Variants in PRIMA1 observed in about 807,000 individuals in gnomAD.
PRIMA1 encodes proline-rich membrane anchor 1.
Under a neutral mutation model 17.5 loss-of-function variants are expected in PRIMA1, and 7 were observed. That is an observed-to-expected ratio of 0.40 (90% confidence interval 0.23 to 0.75). The LOEUF (loss-of-function observed/expected upper bound fraction) is 0.75. Among genes scored for constraint, PRIMA1 ranks in the 30% least tolerant of loss-of-function variants. PRIMA1 has a pLI of 0.37. For synonymous variants in PRIMA1, 97 were observed against 77.9 expected (o/e 1.25, Z -1.29); for missense variants, 200 against 201.8 (o/e 0.99, Z 0.05).
intron 3 of PRIMA1, among the ~76,000 whole-genome samples, chr14:93,753,755 T>A (rs962204350): frequency 6.6e-6 from 1 of 152,118 alleles, no homozygotes; most frequent in Admixed American, 6.5e-5. Flanking sequence ...AGGACTCCTT[T>A]GATAATGGAA....
intron 3 of PRIMA1, among the ~76,000 whole-genome samples, chr14:93,751,607 A>G (rs2076259963): frequency 6.6e-6 from 1 of 152,132 alleles, no homozygotes; most frequent in Admixed American, 6.5e-5. Context: ...TCCCAGGACC[A>G]CCCTTTGCTA....
intron 3 of PRIMA1, among the ~76,000 whole-genome samples, chr14:93,745,650 C>T (rs560637381): frequency 5.3e-5 from 8 of 152,316 alleles, no homozygotes; most frequent in African/African-American, 1.9e-4. Context: ...TGTGGCTGCT[C>T]CCTTCAACCC....
intron 3 of PRIMA1, among the ~76,000 whole-genome samples, chr14:93,775,606 C>G (rs1885194240): frequency 6.6e-6 from 1 of 152,212 alleles, no homozygotes; most frequent in Non-Finnish European, 1.5e-5. Flanking sequence ...TTATGATTGG[C>G]AGAAGTTGTG....
intron 1 of PRIMA1, among the ~76,000 whole-genome samples, chr14:93,788,029 A>G (rs961953495): frequency 1.8e-4 from 27 of 151,952 alleles, no homozygotes; most frequent in African/African-American, 6.5e-4. Context: ...CCCCATGGAC[A>G]CCTCCAGAAA....
chr14:93,724,310 A>G (rs1470928645), intron 4 of PRIMA1, among the ~76,000 whole-genome samples: 2 of 152,130 alleles, frequency 1.3e-5, no homozygotes, highest in Non-Finnish European at 2.9e-5. Flanking sequence ...CATATCCCAC[A>G]CGTGAATCTG....
intron 4 of PRIMA1, among the ~76,000 whole-genome samples, chr14:93,736,661 T>G (rs575028238): frequency 1.3e-5 from 2 of 152,272 alleles, no homozygotes; most frequent in Non-Finnish European, 2.9e-5. Flanking sequence ...CCTGTGTGCC[T>G]GACTTGTTTT....
intron 4 of PRIMA1, among the ~76,000 whole-genome samples, chr14:93,725,487 C>A (rs149469073): frequency 6.6e-6 from 1 of 152,122 alleles, no homozygotes; most frequent in Non-Finnish European, 1.5e-5. Flanking sequence ...CCATCAAGCA[C>A]GGCACTTCAG....
intron 3 of PRIMA1, among the ~76,000 whole-genome samples, chr14:93,758,034 AC>A (rs1566972004): frequency 1.3e-5 from 2 of 152,262 alleles, no homozygotes; most frequent in South Asian, 2.1e-4. Flanking sequence ...CTCCAGAGAT[AC>A]GGGGGGGTTC....
intron 3 of PRIMA1, among the ~76,000 whole-genome samples, chr14:93,760,601 A>T (rs937243934): frequency 6.6e-6 from 1 of 152,064 alleles, no homozygotes; most frequent in African/African-American, 2.4e-5. Flanking sequence ...CTGCTGGCTG[A>T]CAGCTTCTTA....
intron 3 of PRIMA1, among the ~76,000 whole-genome samples, chr14:93,774,185 C>T (rs1418959873): frequency 6.6e-6 from 1 of 152,214 alleles, no homozygotes; most frequent in Non-Finnish European, 1.5e-5. Flanking sequence ...CCACTCTTGC[C>T]TTTGCCAGAA....
chr14:93,734,277 C>G (rs1033456307), intron 4 of PRIMA1, among the ~76,000 whole-genome samples: 1 of 152,196 alleles, frequency 6.6e-6, no homozygotes, highest in Non-Finnish European at 1.5e-5. Flanking sequence ...CCTGTGCCCC[C>G]GGGAGGCCGA....
chr14:93,740,465 G>A (rs568985740), intron 3 of PRIMA1, among the ~76,000 whole-genome samples: 2 of 152,312 alleles, frequency 1.3e-5, no homozygotes, highest in East Asian at 3.9e-4. Flanking sequence ...AGGCTGTTCT[G>A]TCTACACTGC....
At position 93,763,224 on chromosome 14, in the gene PRIMA1, C is replaced by A. The variant is rs538523250; in HGVS notation, c.229+15952G>T. On this transcript the variant is annotated intron_variant, in intron 3 of 4. Transcript: ENST00000393140. ...TTGATCGAATAAAAGTCTGCCCCCC[C>A]AGCATTGCCCCTGCCTCCCGAGCCT... is the stretch of plus-strand genomic sequence containing the variant. Among the ~76,000 whole-genome samples the A allele has an allele frequency of 5.3e-5, 8 of 152,328 alleles. No individual in the cohort carries two copies. The East Asian group carries it at 5.8e-4, about 11-fold the overall frequency.
At chr14:93,747,654 G>A (rs998179343) in intron 3 of PRIMA1, among the ~76,000 whole-genome samples, 1 of 150,728 alleles carries the variant, frequency 6.6e-6, no homozygotes, top group Non-Finnish European at 1.5e-5. Flanking sequence ...TATTGTGTAT[G>A]AGTGTGTGAG....
At chr14:93,775,788 C>T (rs1238411544) in intron 3 of PRIMA1, among the ~76,000 whole-genome samples, 2 of 152,248 alleles carry the variant, frequency 1.3e-5, no homozygotes, top group East Asian at 3.8e-4. Flanking sequence ...CCCTCCTGGC[C>T]TGGTAGCCAT....
At chr14:93,775,154 G>A (rs1885177389) in intron 3 of PRIMA1, among the ~76,000 whole-genome samples, 1 of 152,256 alleles carries the variant, frequency 6.6e-6, no homozygotes, top group Admixed American at 6.5e-5. Context: ...AGGCCCTTGT[G>A]AGTGGCAAGA....
chr14:93,732,785 G>C (rs542437799), intron 4 of PRIMA1, among the ~76,000 whole-genome samples: 30 of 150,956 alleles, frequency 2.0e-4, no homozygotes, highest in Admixed American at 2.0e-3. Context: ...GCCACAGAGG[G>C]AAGCGATACC....
chr14:93,743,976 G>A (rs764875884), intron 3 of PRIMA1, among the ~76,000 whole-genome samples: 2 of 152,244 alleles, frequency 1.3e-5, no homozygotes, highest in Non-Finnish European at 2.9e-5. Flanking sequence ...TTGCTGAAGC[G>A]CCCGCTGGTT....
intron 3 of PRIMA1, among the ~76,000 whole-genome samples, chr14:93,768,114 A>G (rs900921313): frequency 1.2e-4 from 18 of 152,180 alleles, no homozygotes; most frequent in Non-Finnish European, 1.8e-4. Context: ...CTTTTTAAAA[A>G]AAAAGCACCC....
Sources: allele counts gnomAD v4.1 joint callset (sites outside exome capture counted in the v4.1 genomes callset), GRCh38; gene constraint gnomAD v4.1.1; transcripts MANE v1.5; gene names NCBI Gene and HGNC (gene_info 2026-07-23, HGNC 2026-07-21).